The following SBF2 variants were observed in gnomAD, a reference collection of about 807,000 sequenced individuals.
The protein encoded by SBF2 is myotubularin-related protein 13.
A neutral mutation model predicts 225.2 loss-of-function variants in SBF2; 112 were observed. The observed-to-expected ratio is 0.50, with a 90% CI of 0.43 to 0.58. The LOEUF (loss-of-function observed/expected upper bound fraction) is 0.58, where lower values mean the gene tolerates loss of function less well. SBF2 is among the 20% of genes least tolerant of loss of function. The pLI, the probability that SBF2 is intolerant of heterozygous loss-of-function variation, is 0.00. For missense variants in SBF2, 1,996 were observed against 2,206.2 expected (o/e 0.90, Z 1.91); for synonymous variants, 763 against 773.3 (o/e 0.99, Z 0.22).
At chr11:9,955,717 T>C (rs1866117119) in intron 16 of SBF2, among the ~76,000 whole-genome samples, 1 of 152,036 alleles carries the variant, frequency 6.6e-6, no homozygotes, top group Non-Finnish European at 1.5e-5. Flanking sequence ...AAAATATACA[T>C]AAGCTATAAG....
chr11:10,288,193 G>A (rs1280067321), intron 1 of SBF2, among the ~76,000 whole-genome samples: 1 of 152,212 alleles, frequency 6.6e-6, no homozygotes, highest in Non-Finnish European at 1.5e-5. Context: ...AACATGGTGA[G>A]CAAGGGGCAT....
Position 9,779,797 on chromosome 11 carries a change from G to A in SBF2, c.*621C>T, listed in dbSNP as rs1465293327. On this transcript the variant is annotated 3_prime_UTR_variant, in exon 40 of 40. Coordinates refer to ENST00000256190, the MANE Select transcript of SBF2 (RefSeq NM_030962.4). Reference sequence around the variant, plus strand: ...GCTGGTCATTGTTGTACCATTCCCTGGATAATCTTTTTCCATCAGAATAAT... The same window carrying A: ...GCTGGTCATTGTTGTACCATTCCCTAGATAATCTTTTTCCATCAGAATAAT... 6.0e-6 allele frequency: 1 copy of A among 165,786 alleles called. No individual in the cohort carries two copies. Among genetic ancestry groups the A allele is most frequent in the African/African-American group, 2.4e-5 (1 of 41,624 alleles). The allele number at this position is 165,786 out of a possible 1,614,324, so 10.3% of individuals were successfully genotyped here.
At chr11:10,040,342 A>G (rs1010693490) in intron 3 of SBF2, among the ~76,000 whole-genome samples, 2 of 152,146 alleles carry the variant, frequency 1.3e-5, no homozygotes, top group Middle Eastern at 3.4e-3. Flanking sequence ...GAACACAGGT[A>G]ATATTCCAAC....
intron 6 of SBF2, among the ~76,000 whole-genome samples, chr11:10,026,736 T>G (rs1377154645): frequency 1.3e-5 from 2 of 152,016 alleles, no homozygotes; most frequent in Admixed American, 6.6e-5. Flanking sequence ...AGATCCTGTC[T>G]CCAAAAAAAT....
intron 2 of SBF2, among the ~76,000 whole-genome samples, chr11:10,096,424 T>A (rs1286379399): frequency 8.7e-5 from 11 of 126,036 alleles, no homozygotes; most frequent in African/African-American, 1.5e-4. Context: ...CAAAGTTCTG[T>A]AAAAAAAAAA....
chr11:9,982,194 T>C (rs1337753166), intron 13 of SBF2, among the ~76,000 whole-genome samples: 1 of 152,178 alleles, frequency 6.6e-6, no homozygotes, highest in Non-Finnish European at 1.5e-5. Flanking sequence ...CTCCCTCTGT[T>C]CAAAACAATG....
At chr11:9,847,673 T>C (rs1231553181) in intron 22 of SBF2, among the ~76,000 whole-genome samples, 2 of 152,186 alleles carry the variant, frequency 1.3e-5, no homozygotes, top group East Asian at 3.8e-4. Context: ...AGCCTGGACT[T>C]AAGCGCAAGA....
At chr11:10,211,182 A>C (rs1445326631) in intron 1 of SBF2, among the ~76,000 whole-genome samples, 4 of 152,096 alleles carry the variant, frequency 2.6e-5, no homozygotes, top group Non-Finnish European at 5.9e-5. Context: ...TCTCTATCAC[A>C]TCTAACAACA....
chr11:10,120,093 TC>T (rs1953364811), intron 2 of SBF2, among the ~76,000 whole-genome samples: 1 of 152,140 alleles, frequency 6.6e-6, no homozygotes, highest in African/African-American at 2.4e-5. Flanking sequence ...CTCCCCATTT[TC>T]CCTTCCCCTA....
chr11:10,083,554 G>C (rs1314871099), intron 2 of SBF2, among the ~76,000 whole-genome samples: 1 of 152,006 alleles, frequency 6.6e-6, no homozygotes, highest in Non-Finnish European at 1.5e-5. Flanking sequence ...GAACATACCA[G>C]AGAACTAAAT....
intron 2 of SBF2, among the ~76,000 whole-genome samples, chr11:10,063,734 A>C (rs1950528182): frequency 6.6e-6 from 1 of 152,092 alleles, no homozygotes; most frequent in Non-Finnish European, 1.5e-5. Flanking sequence ...TGTCTGAGAT[A>C]AAAGACAAAT....
chr11:10,083,283 A>G (rs61878586), intron 2 of SBF2, among the ~76,000 whole-genome samples: 9,983 of 152,298 alleles, frequency 0.066, 487 homozygotes, highest in Non-Finnish European at 0.09. Context: ...TGAAGAATCA[A>G]TATCATTAAA....
intron 17 of SBF2, among the ~76,000 whole-genome samples, chr11:9,867,168 G>C (rs1858293174): frequency 6.6e-6 from 1 of 152,114 alleles, no homozygotes; most frequent in African/African-American, 2.4e-5. Context: ...AATGCTTGTG[G>C]GGATGGATAC....
rs75253355 is a variant in SBF2, at chr11:9,948,555, C to A, written c.1860+13402G>T. On this transcript the variant is annotated intron_variant, in intron 16 of 39. Coordinates refer to ENST00000256190, the MANE Select transcript of SBF2 (RefSeq NM_030962.4). ...TTCCTTGCCCTACTCCTGCTGCTAG[C>A]CATTTCTTCAAGAATTCTTAGTTCC... is the stretch of plus-strand genomic sequence containing the variant. Among the ~76,000 whole-genome samples, 599 of 152,214 alleles carry A rather than the reference C, an allele frequency of 3.9e-3. 2 individuals carry two copies. The highest frequency in any genetic ancestry group is 0.014 in the Middle Eastern group (4 of 294).
chr11:10,005,689 G>A (rs1264376076), intron 6 of SBF2, among the ~76,000 whole-genome samples: 3 of 152,122 alleles, frequency 2.0e-5, no homozygotes, highest in Non-Finnish European at 2.9e-5. Context: ...CTGTGATTTG[G>A]ATACATTCCC....
Position 9,963,877 on chromosome 11 carries a change from T to C in SBF2, c.1606A>G (p.Ile536Val). Residue 536 changes from isoleucine to valine, a missense_variant, in exon 15 of 40, where the codon ATA becomes GTA. Coordinates refer to ENST00000256190, the MANE Select transcript of SBF2 (RefSeq NM_030962.4). ...AAAACTGTCGTCACCTTGTCCATTA[T>C]CGAAACTAGTAAAAGAATATAAAGA... ...VVPAGPPVVS[I>V]MDKVTTVFNS... 2 of 1,554,622 alleles carry C rather than the reference T, an allele frequency of 1.3e-6. No individual in the cohort carries two copies. The highest frequency in any genetic ancestry group is 1.8e-6 in the Non-Finnish European group (2 of 1,126,916).
intron 17 of SBF2, among the ~76,000 whole-genome samples, chr11:9,860,712 CAGTACCATTTCTTACA>C (rs1857667034): frequency 1.3e-5 from 2 of 152,260 alleles, no homozygotes; most frequent in Admixed American, 1.3e-4. Context: ...ATACTCAGGG[CAGTACCATTTCTTACA>C]AATGCAGCAT....
In SBF2 at chr11:9,809,804, CCAAAGTGCTAG is replaced by C. The variant is rs370965381; in HGVS notation, c.4156-813_4156-803del. On this transcript the variant is annotated intron_variant, in intron 30 of 39. Transcript: ENST00000256190. The stretch of plus-strand genomic sequence containing the variant: ...CAGGTAATCCACCTGCCTCAGCCTC[CCAAAGTGCTAG>C]CATTACAGGCGTGAACCACCACGCC... 2.4e-3 allele frequency among the ~76,000 whole-genome samples: 368 copies of C among 152,134 alleles called. 1 individual carries two copies. Among genetic ancestry groups the C allele is most frequent in the African/African-American group, 7.6e-3 (317 of 41,520 alleles).
intron 16 of SBF2, among the ~76,000 whole-genome samples, chr11:9,900,102 G>C (rs565203284): frequency 6.7e-6 from 1 of 149,930 alleles, no homozygotes; most frequent in African/African-American, 2.5e-5. Context: ...AAGGGAATTC[G>C]GTATACAGCA....
Sources: gnomAD v4.1 joint callset for allele counts (sites outside exome capture counted in the v4.1 genomes callset) on GRCh38, gnomAD v4.1.1 for gene constraint, MANE v1.5 for transcripts, NCBI Gene and HGNC (gene_info 2026-07-23, HGNC 2026-07-21) for gene names.